UNC5D: variants seen among roughly 807,000 people sequenced by gnomAD.
UNC5D encodes the protein netrin receptor UNC5D.
A neutral mutation model predicts 105.4 loss-of-function variants in UNC5D; 39 were observed. The observed-to-expected ratio is 0.37, with a 90% confidence interval of 0.29 to 0.48. UNC5D has a LOEUF of 0.48. Among genes scored for constraint, UNC5D ranks in the 20% least tolerant of loss-of-function variants. UNC5D has a pLI of 0.98. For synonymous variants in UNC5D, 452 were observed against 450.4 expected (o/e 1.00, Z -0.04); for missense variants, 991 against 1,202.4 (o/e 0.82, Z 2.60).
At chr8:35,269,722 G>C (rs531715918) in intron 1 of UNC5D, among the ~76,000 whole-genome samples, 13 of 152,152 alleles carry the variant, frequency 8.5e-5, no homozygotes, top group African/African-American at 1.2e-4. Context: ...TTGGGTATGA[G>C]ATGCTGTCAT....
chr8:35,730,649 T>G (rs562740649), intron 10 of UNC5D, among the ~76,000 whole-genome samples: 97 of 152,294 alleles, frequency 6.4e-4, no homozygotes, highest in African/African-American at 2.3e-3. Flanking sequence ...GATATACATT[T>G]TTTTAAATTT....
chr8:35,656,266 A>T (rs1357868345), intron 4 of UNC5D, among the ~76,000 whole-genome samples: 1 of 152,040 alleles, frequency 6.6e-6, no homozygotes, highest in Non-Finnish European at 1.5e-5. Context: ...ACTTTATTTT[A>T]TTGCCTCCAA....
At chr8:35,384,974 A>T (rs1803293144) in intron 1 of UNC5D, among the ~76,000 whole-genome samples, 1 of 152,204 alleles carries the variant, frequency 6.6e-6, no homozygotes, top group Admixed American at 6.5e-5. Flanking sequence ...GTGGGGGAAC[A>T]TCAGGTCTAG....
intron 4 of UNC5D, among the ~76,000 whole-genome samples, chr8:35,633,822 G>A (rs1822194903): frequency 6.6e-6 from 1 of 152,190 alleles, no homozygotes; most frequent in Admixed American, 6.5e-5. Flanking sequence ...CGTGGAGGCT[G>A]AAGGAGTGGG....
chr8:35,556,697 T>C (rs1816573090), intron 2 of UNC5D, among the ~76,000 whole-genome samples: 1 of 152,068 alleles, frequency 6.6e-6, no homozygotes, highest in South Asian at 2.1e-4. Context: ...TTTGCAAGAG[T>C]TGATATTATC....
At chr8:35,675,362 G>A in intron 4 of UNC5D, among the ~76,000 whole-genome samples, 1 of 152,286 alleles carries the variant, frequency 6.6e-6, no homozygotes, top group Non-Finnish European at 1.5e-5. Context: ...CATTTATTCA[G>A]CAGGTGCCAT....
At chr8:35,664,618 A>C (rs1459938841) in intron 4 of UNC5D, among the ~76,000 whole-genome samples, 3 of 152,054 alleles carry the variant, frequency 2.0e-5, no homozygotes, top group Non-Finnish European at 2.9e-5. Flanking sequence ...ACATCAGGGG[A>C]TCCACCCGCC....
intron 3 of UNC5D, among the ~76,000 whole-genome samples, chr8:35,574,247 G>A (rs930387462): frequency 2.0e-5 from 3 of 152,056 alleles, no homozygotes; most frequent in African/African-American, 7.3e-5. Flanking sequence ...TTAACACTTG[G>A]GCCTTTTCTC....
chr8:35,272,897 A>T (rs1427745576), intron 1 of UNC5D, among the ~76,000 whole-genome samples: 4 of 152,216 alleles, frequency 2.6e-5, no homozygotes, highest in African/African-American at 4.8e-5. Flanking sequence ...GGACTTGAAT[A>T]CTTATTAAGC....
At chr8:35,290,595 A>G (rs1324206868) in intron 1 of UNC5D, among the ~76,000 whole-genome samples, 1 of 152,186 alleles carries the variant, frequency 6.6e-6, no homozygotes, top group Admixed American at 6.5e-5. Context: ...TATAGTCAAT[A>G]ATAATGTATT....
chr8:35,384,224 A>C (rs543609599), intron 1 of UNC5D, among the ~76,000 whole-genome samples: 2 of 151,784 alleles, frequency 1.3e-5, no homozygotes, highest in Admixed American at 6.5e-5. Context: ...ATTTCAAAAA[A>C]AAAAAACAAA....
At chr8:35,321,835 T>C (rs1217769563) in intron 1 of UNC5D, among the ~76,000 whole-genome samples, 2 of 152,170 alleles carry the variant, frequency 1.3e-5, no homozygotes, top group Non-Finnish European at 2.9e-5. Context: ...CCTGACTTTC[T>C]TTCTCTGTCT....
At chr8:35,520,260 A>G (rs1813373630) in intron 1 of UNC5D, among the ~76,000 whole-genome samples, 3 of 152,150 alleles carry the variant, frequency 2.0e-5, no homozygotes, top group African/African-American at 7.2e-5. Flanking sequence ...ATATGCTACA[A>G]CATCGATAAA....
intron 1 of UNC5D, among the ~76,000 whole-genome samples, chr8:35,358,374 T>A (rs986826990): frequency 6.6e-6 from 1 of 152,150 alleles, no homozygotes; most frequent in African/African-American, 2.4e-5. Flanking sequence ...GAAGCCATTA[T>A]CCTCAGCAAA....
chr8:35,336,791 G>T (rs199749298), intron 1 of UNC5D, among the ~76,000 whole-genome samples: 68 of 147,610 alleles, frequency 4.6e-4, no homozygotes, highest in African/African-American at 1.6e-3. Context: ...AGGAAATAGT[G>T]TTTTTTTTTT....
At chr8:35,336,266 T>C (rs886812924) in intron 1 of UNC5D, among the ~76,000 whole-genome samples, 1 of 152,176 alleles carries the variant, frequency 6.6e-6, no homozygotes, top group African/African-American at 2.4e-5. Context: ...AGTTTCTTTA[T>C]TAGCTGTGTT....
chr8:35,667,488 G>GGCCAGAACTAGACAGGTAATCCT (rs1418927512), intron 4 of UNC5D, among the ~76,000 whole-genome samples: 1 of 152,102 alleles, frequency 6.6e-6, no homozygotes, highest in Admixed American at 6.6e-5. Context: ...ACAACTAACT[G>GGCCAGAACTAGACAGGTAATCCT]GCCAGAACTA....
rs1205914422 is a variant in UNC5D, at chr8:35,793,897, T to C, written c.*3334T>C. On this transcript the variant is annotated 3_prime_UTR_variant, in exon 17 of 17. Transcript: ENST00000404895. ...TATTTTTATCTCCAACTGCAGGTGG[T>C]GTCTTTTGCCAAGGTCTCTGTATTT... is the stretch of plus-strand genomic sequence containing the variant. 6.6e-6 allele frequency: 1 copy of C among 152,142 alleles called. No individual in the cohort carries two copies. Among genetic ancestry groups the C allele is most frequent in the Non-Finnish European group, 1.5e-5 (1 of 68,010 alleles). 9.4% of individuals were successfully genotyped at this position (152,142 alleles called of 1,614,324 possible). A position where few individuals can be genotyped will look rare whatever the true frequency, so the allele number is the denominator to read the frequency against.
At chr8:35,323,392 A>G (rs1204506784) in intron 1 of UNC5D, among the ~76,000 whole-genome samples, 1 of 152,016 alleles carries the variant, frequency 6.6e-6, no homozygotes, top group Non-Finnish European at 1.5e-5. Context: ...ACTCTGAGTC[A>G]CTTGGCTTCT....
Sources: allele counts gnomAD v4.1 joint callset (sites outside exome capture counted in the v4.1 genomes callset), GRCh38; gene constraint gnomAD v4.1.1; transcripts MANE v1.5; gene names NCBI Gene and HGNC (gene_info 2026-07-23, HGNC 2026-07-21).